CTNND2: variants seen among roughly 807,000 people sequenced by gnomAD.
CTNND2 encodes catenin delta 2.
Under a neutral mutation model 144.4 loss-of-function variants are expected in CTNND2, and 22 were observed. The observed-to-expected ratio is 0.15, with a 90% CI of 0.11 to 0.22. The LOEUF is 0.22. CTNND2 is among the 10% of genes least tolerant of loss of function. The probability of loss-of-function intolerance (pLI) is 1.00; values close to 1 mark genes in which losing one functional copy is unlikely to be tolerated. For synonymous variants in CTNND2, 751 were observed against 695.6 expected, an observed-to-expected ratio of 1.08 and a Z score of -1.25; for missense variants, 1,353 against 1,618.8, an observed-to-expected ratio of 0.84 and a Z score of 2.82.
chr5:11,434,643 G>A (rs2149880362), intron 3 of CTNND2, among the ~76,000 whole-genome samples: 1 of 152,222 alleles, frequency 6.6e-6, no homozygotes, highest in Non-Finnish European at 1.5e-5. Flanking sequence ...TTGGAAAGAG[G>A]GGGTAGAAAA....
At chr5:11,208,272 T>G (rs901171885) in intron 10 of CTNND2, among the ~76,000 whole-genome samples, 2 of 152,266 alleles carry the variant, frequency 1.3e-5, no homozygotes, top group South Asian at 4.1e-4. Context: ...TTTCCACTGG[T>G]CTCCAGATTA....
intron 16 of CTNND2, among the ~76,000 whole-genome samples, chr5:11,068,747 CTACTAAAAAAT>C (rs1747894917): frequency 6.6e-6 from 1 of 152,134 alleles, no homozygotes. Flanking sequence ...AACCCCGTCT[CTACTAAAAAAT>C]GTAAACAAAT....
intron 1 of CTNND2, among the ~76,000 whole-genome samples, chr5:11,832,257 C>A (rs561961120): frequency 1.3e-5 from 2 of 151,136 alleles, no homozygotes; most frequent in Non-Finnish European, 2.9e-5. Flanking sequence ...CACTCCAGCC[C>A]AGGCAACAGA....
At chr5:11,060,128 G>A (rs1476874670) in intron 16 of CTNND2, among the ~76,000 whole-genome samples, 1 of 152,134 alleles carries the variant, frequency 6.6e-6, no homozygotes, top group Non-Finnish European at 1.5e-5. Context: ...CATGCACACA[G>A]CTGAAAAATG....
intron 9 of CTNND2, among the ~76,000 whole-genome samples, chr5:11,256,598 G>A (rs181858602): frequency 5.3e-5 from 8 of 152,248 alleles, no homozygotes; most frequent in Admixed American, 5.2e-4. Context: ...TAAGAATGAT[G>A]ACAGAAAGAG....
intron 1 of CTNND2, among the ~76,000 whole-genome samples, chr5:11,880,593 AC>A (rs1735985502): frequency 7.5e-6 from 1 of 133,604 alleles, no homozygotes; most frequent in African/African-American, 2.7e-5. Flanking sequence ...CACTACTCCT[AC>A]TATCAGCACT....
chr5:11,237,670 T>C (rs1330446111), intron 9 of CTNND2, among the ~76,000 whole-genome samples: 1 of 152,154 alleles, frequency 6.6e-6, no homozygotes, highest in Non-Finnish European at 1.5e-5. Flanking sequence ...CCGTCTTAAA[T>C]GGATCAGGTA....
chr5:11,286,238 G>GT (rs1384487308), intron 9 of CTNND2, among the ~76,000 whole-genome samples: 1 of 151,782 alleles, frequency 6.6e-6, no homozygotes, highest in African/African-American at 2.4e-5. Flanking sequence ...AAATTTATAA[G>GT]TAAAAAAAAA....
At position 11,841,900 on chromosome 5, in the gene CTNND2, G is replaced by A. The variant is rs530552814; in HGVS notation, c.37+61917C>T. 4.0e-5 allele frequency among the ~76,000 whole-genome samples: 6 copies of A among 151,334 alleles called. No individual in the cohort carries two copies. In the South Asian group the frequency reaches 1.3e-3, roughly 32 times the overall value. ...ATGGAACCAACAGTATCAATCAATCGCACTCCCTTATGAATAGTACCTCTC... is the reference window on the plus strand; with the variant it reads ...ATGGAACCAACAGTATCAATCAATCACACTCCCTTATGAATAGTACCTCTC... On this transcript the variant is annotated intron_variant, in intron 1 of 21. Transcript: ENST00000304623.
intron 10 of CTNND2, among the ~76,000 whole-genome samples, chr5:11,217,200 T>G (rs1303422638): frequency 6.6e-6 from 1 of 152,220 alleles, no homozygotes; most frequent in Non-Finnish European, 1.5e-5. Flanking sequence ...GATTGCACAA[T>G]GGATGGCTAA....
chr5:11,262,569 T>C (rs1388899112), intron 9 of CTNND2, among the ~76,000 whole-genome samples: 5 of 151,944 alleles, frequency 3.3e-5, no homozygotes, highest in African/African-American at 9.7e-5. Context: ...AAGACCATCC[T>C]GGCTAACATG....
intron 12 of CTNND2, among the ~76,000 whole-genome samples, chr5:11,143,355 T>C (rs1756929575): frequency 6.6e-6 from 1 of 152,186 alleles, no homozygotes; most frequent in African/African-American, 2.4e-5. Context: ...TGTTTCACAG[T>C]TCAAGATCAA....
At chr5:11,451,447 A>G (rs1030854199) in intron 3 of CTNND2, among the ~76,000 whole-genome samples, 5 of 152,190 alleles carry the variant, frequency 3.3e-5, no homozygotes, top group Admixed American at 2.6e-4. Context: ...AGTAATACAG[A>G]TCAAGCATCC....
At chr5:11,325,465 T>C (rs981242613) in intron 9 of CTNND2, among the ~76,000 whole-genome samples, 2 of 152,188 alleles carry the variant, frequency 1.3e-5, no homozygotes, top group Admixed American at 6.5e-5. Context: ...CAATTATGAA[T>C]CTTAAACATT....
intron 3 of CTNND2, among the ~76,000 whole-genome samples, chr5:11,486,047 A>G (rs180677102): frequency 2.3e-4 from 35 of 152,330 alleles, no homozygotes; most frequent in African/African-American, 7.7e-4. Flanking sequence ...AAAACACCCA[A>G]TTTGTAAAAA....
chr5:11,328,903 A>G (rs1368740802), intron 9 of CTNND2, among the ~76,000 whole-genome samples: 1 of 152,168 alleles, frequency 6.6e-6, no homozygotes, highest in Admixed American at 6.5e-5. Flanking sequence ...GCCCTGCAAA[A>G]TATCCCAGAT....
intron 1 of CTNND2, among the ~76,000 whole-genome samples, chr5:11,851,430 A>G (rs1418080459): frequency 6.6e-6 from 1 of 152,168 alleles, no homozygotes; most frequent in African/African-American, 2.4e-5. Flanking sequence ...AATGGTACAG[A>G]GCCTGTTTTC....
intron 3 of CTNND2, among the ~76,000 whole-genome samples, chr5:11,505,419 CA>C (rs1462945920): frequency 6.6e-6 from 1 of 152,178 alleles, no homozygotes; most frequent in Non-Finnish European, 1.5e-5. Context: ...TCAACACTCA[CA>C]GGGTTTATGT....
chr5:11,510,579 T>C (rs1368270169), intron 3 of CTNND2, among the ~76,000 whole-genome samples: 3 of 152,230 alleles, frequency 2.0e-5, no homozygotes, highest in Non-Finnish European at 4.4e-5. Context: ...GTAGGTGGCA[T>C]TAAAATTACA....
Sources: allele counts gnomAD v4.1 joint callset (sites outside exome capture counted in the v4.1 genomes callset), GRCh38; gene constraint gnomAD v4.1.1; transcripts MANE v1.5; gene names NCBI Gene and HGNC (gene_info 2026-07-23, HGNC 2026-07-21).